The following ACTR2 variants were observed in gnomAD, a reference collection of about 807,000 sequenced individuals.
ACTR2 encodes the protein actin related protein 2, also known as actin-related protein 2.
ACTR2 carries 5 observed loss-of-function variants against 50.2 expected under a neutral mutation model. The ratio of observed to expected loss-of-function variants is 0.10; its 90% confidence interval spans 0.05 to 0.21. The LOEUF (loss-of-function observed/expected upper bound fraction) is 0.21. Among genes scored for constraint, ACTR2 ranks in the 10% least tolerant of loss-of-function variants. The probability of loss-of-function intolerance (pLI) is 1.00; values close to 1 mark genes in which losing one functional copy is unlikely to be tolerated. For synonymous variants in ACTR2, 140 were observed against 162.9 expected (o/e 0.86, Z 1.07); for missense variants, 180 against 480.6 (o/e 0.37, Z 5.85).
At chr2:65,242,366 T>C (rs1401133747) in intron 2 of ACTR2, among the ~76,000 whole-genome samples, 3 of 152,130 alleles carry the variant, frequency 2.0e-5, no homozygotes, top group Non-Finnish European at 4.4e-5. Flanking sequence ...GTGCATAATA[T>C]TAGAAACCAG....
intron 1 of ACTR2, among the ~76,000 whole-genome samples, chr2:65,230,864 G>A (rs1039651773): frequency 2.6e-5 from 4 of 151,978 alleles, no homozygotes; most frequent in Non-Finnish European, 5.9e-5. Context: ...GACCAGCATG[G>A]CCATCATGGT....
chr2:65,259,596 G>A (rs1672224331), intron 6 of ACTR2, among the ~76,000 whole-genome samples: 1 of 152,116 alleles, frequency 6.6e-6, no homozygotes, highest in Non-Finnish European at 1.5e-5. Context: ...AGGCGTGGTG[G>A]CACATGCCTG....
intron 1 of ACTR2, among the ~76,000 whole-genome samples, chr2:65,234,127 G>A (rs1671695143): frequency 6.6e-6 from 1 of 151,992 alleles, no homozygotes; most frequent in African/African-American, 2.4e-5. Context: ...CTTCAGGCTG[G>A]TCTCGAACTC....
At position 65,270,505 on chromosome 2, in the gene ACTR2, A is replaced by G. The variant is rs1434649675; in HGVS notation, c.*1771A>G. The G allele has an allele frequency of 1.3e-5, 2 of 152,558 alleles. No homozygotes were observed. The highest frequency in any genetic ancestry group is 4.1e-4 in the South Asian group (2 of 4,828). The allele number at this position is 152,558 out of a possible 1,614,324, so 9.5% of individuals were successfully genotyped here. A position where few individuals can be genotyped will look rare whatever the true frequency, so the allele number is the denominator to read the frequency against. Reference sequence around the variant, plus strand: ...CACTTTGGAATAAGTTCTTATATAAATACCCCCAGCCTTTTGAGAACGGGG... The same window carrying G: ...CACTTTGGAATAAGTTCTTATATAAGTACCCCCAGCCTTTTGAGAACGGGG... On this transcript the variant is annotated 3_prime_UTR_variant, in exon 9 of 9. Transcript: ENST00000260641.
intron 4 of ACTR2, among the ~76,000 whole-genome samples, chr2:65,251,303 GT>G (rs1672045220): frequency 1.3e-5 from 1 of 78,124 alleles, no homozygotes; most frequent in Non-Finnish European, 2.6e-5. Context: ...TGTATTTAAG[GT>G]AAAAAAAAAA....
In ACTR2 at chr2:65,246,505, CT is replaced by C. The variant is rs781373622; in HGVS notation, c.160-16del. 6.5e-7 allele frequency: 1 copy of C among 1,547,508 alleles called. No homozygotes were observed. Among genetic ancestry groups the C allele is most frequent in the African/African-American group, 1.4e-5 (1 of 72,266 alleles). ...TATTATGCAAAACTTTGATCTACAG[CT>C]TTGACATAATTTTCTAGGATCTTAT... is the stretch of plus-strand genomic sequence containing the variant. On this transcript the variant is annotated intron_variant, in intron 2 of 8. Transcript: ENST00000260641.
chr2:65,242,641 A>AG, intron 2 of ACTR2: 1 of 511,916 alleles, frequency 2.0e-6, no homozygotes, highest in Non-Finnish European at 3.9e-6. Flanking sequence ...AGGATAAATA[A>AG]GAAAAAGGTA....
rs569710328 is a variant in ACTR2, at chr2:65,271,206, ATACT to A, written c.*2474_*2477del. ...GCTAAACAGTCTAAATTAACATGAA[ATACT>A]TCATTTTGATTGAGAAAATAAAATC... On this transcript the variant is annotated 3_prime_UTR_variant, in exon 9 of 9. Coordinates refer to ENST00000260641, the MANE Select transcript of ACTR2 (RefSeq NM_005722.4). 28 of 152,128 alleles carry A rather than the reference ATACT, an allele frequency of 1.8e-4. No homozygotes were observed. The East Asian group carries it at 5.0e-3, about 27-fold the overall frequency. 9.4% of individuals were successfully genotyped at this position (152,128 alleles called of 1,614,324 possible).
intron 6 of ACTR2, among the ~76,000 whole-genome samples, chr2:65,261,005 C>T (rs774798230): frequency 3.3e-5 from 5 of 152,100 alleles, no homozygotes; most frequent in African/African-American, 9.7e-5. Flanking sequence ...GCTGGGATTA[C>T]AGACGTGAGC....
intron 6 of ACTR2, 114 bp from the exon 7 acceptor site, chr2:65,261,133 G>A: frequency 1.0e-6 from 1 of 981,452 alleles, no homozygotes; most frequent in Non-Finnish European, 1.5e-6. Flanking sequence ...AAAAATTGTT[G>A]TTGGTAATGA....
At chr2:65,260,390 G>A (rs954204645) in intron 6 of ACTR2, among the ~76,000 whole-genome samples, 6 of 151,988 alleles carry the variant, frequency 3.9e-5, no homozygotes, top group Admixed American at 6.6e-5. Context: ...CCTGTAATCC[G>A]AGCTACTCAG....
At chr2:65,248,183 C>A in intron 3 of ACTR2, among the ~76,000 whole-genome samples, 1 of 152,036 alleles carries the variant, frequency 6.6e-6, no homozygotes, top group East Asian at 1.9e-4. Context: ...GGGCGGATCA[C>A]GAGGTCAAGA....
intron 2 of ACTR2, among the ~76,000 whole-genome samples, chr2:65,243,063 G>A (rs776512181): frequency 3.9e-5 from 6 of 152,084 alleles, no homozygotes; most frequent in Admixed American, 1.3e-4. Context: ...GGTGGATCAC[G>A]AGGTCACGAG....
chr2:65,258,505 G>A (rs1451762234), intron 6 of ACTR2, among the ~76,000 whole-genome samples: 1 of 152,062 alleles, frequency 6.6e-6, no homozygotes, highest in African/African-American at 2.4e-5. Context: ...TTGAGCCCAG[G>A]AGTTCAAGGC....
rs1161060965 is a variant in ACTR2, at chr2:65,234,609, A to G, written c.49-5243A>G. Among the ~76,000 whole-genome samples, 4 of 152,190 alleles carry G rather than the reference A, an allele frequency of 2.6e-5. No individual in the cohort carries two copies. The East Asian group carries it at 5.8e-4, about 22-fold the overall frequency. On this transcript the variant is annotated intron_variant, in intron 1 of 8. Transcript: ENST00000260641. ...ACTTTGAGTGATGTGATTATTTGCC[A>G]CTTTGCCATGTTGTATGTCCAGTGT... is the stretch of plus-strand genomic sequence containing the variant.
chr2:65,227,851 C>T lies in ACTR2; in HGVS notation c.-59C>T, dbSNP rs1671555289. 3 of 1,482,512 alleles carry T rather than the reference C, an allele frequency of 2.0e-6. No homozygotes were observed. Among genetic ancestry groups the T allele is most frequent in the South Asian group, 2.6e-5 (2 of 78,274 alleles). 91.8% of individuals were successfully genotyped at this position (1,482,512 alleles called of 1,614,324 possible). On this transcript the variant is annotated 5_prime_UTR_variant, in exon 1 of 9. In the 5' UTR this introduces an upstream ATG that the reference lacks. Coordinates refer to ENST00000260641, the MANE Select transcript of ACTR2 (RefSeq NM_005722.4). ...AAGACGCAAGAGGAAGAAGAGAAAA[C>T]GGCCGGGCGGCGGTGGCTGTAGGTT...
intron 1 of ACTR2, among the ~76,000 whole-genome samples, chr2:65,237,382 G>A (rs1478220182): frequency 6.6e-6 from 1 of 151,996 alleles, no homozygotes; most frequent in African/African-American, 2.4e-5. Flanking sequence ...TATAGCACAT[G>A]CCACAATGCC....
intron 5 of ACTR2, among the ~76,000 whole-genome samples, chr2:65,254,547 A>G (rs1435338883): frequency 4.6e-5 from 7 of 152,228 alleles, no homozygotes; most frequent in Non-Finnish European, 8.8e-5. Flanking sequence ...CCACAATTCT[A>G]TAATCAGTCT....
intron 2 of ACTR2, among the ~76,000 whole-genome samples, chr2:65,243,533 G>A (rs1218624371): frequency 6.6e-6 from 1 of 152,068 alleles, no homozygotes; most frequent in Non-Finnish European, 1.5e-5. Context: ...GGAGGTTAAG[G>A]CAGGAGTATT....
Sources: allele counts gnomAD v4.1 joint callset (sites outside exome capture counted in the v4.1 genomes callset), GRCh38; gene constraint gnomAD v4.1.1; transcripts MANE v1.5; gene names NCBI Gene and HGNC (gene_info 2026-07-23, HGNC 2026-07-21).